Variants in RAI14 observed in about 807,000 individuals in gnomAD.
RAI14 encodes retinoic acid induced 14.
A neutral mutation model predicts 115.4 loss-of-function variants in RAI14; 45 were observed. That is an observed-to-expected ratio of 0.39 (90% CI 0.31 to 0.50). The LOEUF (loss-of-function observed/expected upper bound fraction) is 0.50. RAI14 is among the 20% of genes least tolerant of loss of function. RAI14 has a pLI of 0.85. For missense variants in RAI14, 939 were observed against 1,131.2 expected (o/e 0.83, Z 2.44); for synonymous variants, 371 against 415.4 (o/e 0.89, Z 1.30).
chr5:34,796,027 G>A lies in RAI14; in HGVS notation c.256G>A (p.Gly86Arg), dbSNP rs867459274. ...GGATGTGACAGCCCAAGATACTACC[G>A]GTATGTGGTTTTTAGTCTCTTAAGT... is the stretch of plus-strand genomic sequence containing the variant. Reference protein sequence around the residue: ...GVDVTAQDTTGHSALHLAAKN... With the variant: ...GVDVTAQDTTRHSALHLAAKN... The change falls in exon 4 of 18, where the codon GGA becomes AGA. Residue 86 changes from glycine (G) to arginine (R), a missense_variant and splice_region_variant. By Grantham distance (125) the Gly-to-Arg change is moderately radical. Coordinates refer to ENST00000265109, the MANE Select transcript of RAI14 (RefSeq NM_015577.3). 6.9e-6 allele frequency: 11 copies of A among 1,604,576 alleles called. No individual in the cohort carries two copies. Among genetic ancestry groups the A allele is most frequent in the Non-Finnish European group, 7.7e-6 (9 of 1,172,094 alleles).
At chr5:34,687,141 G>A (rs895357) in intron 2 of RAI14, among the ~76,000 whole-genome samples, 186 bp downstream of exon 2, 68,332 of 152,086 alleles carry the variant, frequency 0.45, 17,584 homozygotes, top group South Asian at 0.64. Flanking sequence ...TGTGTGCATA[G>A]CTTTCAAAAA....
intron 3 of RAI14, among the ~76,000 whole-genome samples, chr5:34,786,680 C>T (rs951289205): frequency 6.6e-6 from 1 of 152,148 alleles, no homozygotes. Flanking sequence ...CTTGGTTCCA[C>T]ATTTTCCAAC....
intron 2 of RAI14, among the ~76,000 whole-genome samples, chr5:34,746,164 T>C (rs1334707015): frequency 1.4e-5 from 2 of 139,662 alleles, no homozygotes; most frequent in African/African-American, 5.3e-5. Context: ...GGAGTGCAGC[T>C]GCGCGATCCT....
chr5:34,822,970 G>A lies in RAI14; in HGVS notation c.1128G>A (p.Lys376=). The change falls in exon 15 of 18, where the codon AAG becomes AAA. Residue 376 remains lysine (K), a synonymous_variant. Coordinates refer to ENST00000265109, the MANE Select transcript of RAI14 (RefSeq NM_015577.3). ...TTTTTTCCTAGGCCAAATCACCCAA[G>A]GAGGCGGAAGCAGACCTAAGCTTTG... ...LQDKLQAKSP[K]EAEADLSFDS... The A allele has an allele frequency of 6.2e-7, 1 of 1,610,800 alleles. No individual in the cohort carries two copies. The highest frequency in any genetic ancestry group is 1.1e-5 in the South Asian group (1 of 90,492).
intron 1 of RAI14, among the ~76,000 whole-genome samples, chr5:34,676,327 C>A (rs377297051): frequency 1.3e-5 from 2 of 152,224 alleles, no homozygotes; most frequent in South Asian, 4.2e-4. Flanking sequence ...TGTGTTTAGA[C>A]GGTGGTATTG....
At chr5:34,745,836 A>C (rs920047095) in intron 2 of RAI14, among the ~76,000 whole-genome samples, 4 of 152,100 alleles carry the variant, frequency 2.6e-5, no homozygotes, top group African/African-American at 9.7e-5. Flanking sequence ...TACCATGTGT[A>C]GGGCTTCTTG....
intron 1 of RAI14, among the ~76,000 whole-genome samples, chr5:34,666,591 C>G (rs75294890): frequency 6.6e-6 from 1 of 152,070 alleles, no homozygotes; most frequent in Non-Finnish European, 1.5e-5. Flanking sequence ...GGGACTGCCA[C>G]GTCAGCTGTA....
At chr5:34,679,152 C>A (rs756350311) in intron 1 of RAI14, among the ~76,000 whole-genome samples, 15 of 152,152 alleles carry the variant, frequency 9.9e-5, no homozygotes, top group Non-Finnish European at 1.8e-4. Context: ...CATTGCATAG[C>A]TCTCTCTAAA....
chr5:34,777,418 A>C (rs66874183), intron 3 of RAI14, among the ~76,000 whole-genome samples: 38,814 of 152,102 alleles, frequency 0.26, 5,696 homozygotes, highest in Non-Finnish European at 0.31. Context: ...ATAAGACAGG[A>C]ACAGAAAGAC....
intron 3 of RAI14, among the ~76,000 whole-genome samples, chr5:34,790,330 G>A (rs746201960): frequency 4.6e-5 from 7 of 152,226 alleles, no homozygotes; most frequent in Non-Finnish European, 7.3e-5. Flanking sequence ...ATACACAGGA[G>A]ATGGGTTGTT....
chr5:34,788,242 TA>T (rs2150183761), intron 3 of RAI14, among the ~76,000 whole-genome samples: 1 of 152,160 alleles, frequency 6.6e-6, no homozygotes, highest in African/African-American at 2.4e-5. Context: ...TTGGTTTGGA[TA>T]GATAATTCAT....
At chr5:34,688,812 C>G (rs1331745446) in intron 2 of RAI14, among the ~76,000 whole-genome samples, 2 of 152,126 alleles carry the variant, frequency 1.3e-5, no homozygotes, top group Non-Finnish European at 2.9e-5. Context: ...GTTTGTTAAT[C>G]AACCATATGA....
At chr5:34,705,256 A>G (rs1052041877) in intron 2 of RAI14, among the ~76,000 whole-genome samples, 1 of 152,204 alleles carries the variant, frequency 6.6e-6, no homozygotes, top group African/African-American at 2.4e-5. Flanking sequence ...AAAATGTAGC[A>G]TGGGAATTGA....
chr5:34,675,298 A>AT (rs1743898497), intron 1 of RAI14, among the ~76,000 whole-genome samples: 1 of 152,250 alleles, frequency 6.6e-6, no homozygotes, highest in African/African-American at 2.4e-5. Flanking sequence ...AATTAACAGA[A>AT]TTTTACTGTC....
chr5:34,766,114 C>T (rs544045159), intron 3 of RAI14, among the ~76,000 whole-genome samples: 2 of 152,308 alleles, frequency 1.3e-5, no homozygotes, highest in East Asian at 1.9e-4. Context: ...CAGAAGTTTG[C>T]TGCAGGGGTG....
At chr5:34,822,397 G>C (rs888797624) in intron 14 of RAI14, among the ~76,000 whole-genome samples, 25 of 150,928 alleles carry the variant, frequency 1.7e-4, no homozygotes, top group African/African-American at 5.8e-4. Flanking sequence ...CTCTTGGCAA[G>C]TAGAATGATA....
chr5:34,720,485 A>T (rs1742550902), intron 2 of RAI14, among the ~76,000 whole-genome samples: 1 of 133,906 alleles, frequency 7.5e-6, no homozygotes, highest in Non-Finnish European at 1.5e-5. Context: ...ATCTCGGCTC[A>T]CTGGAAGCTC....
intron 4 of RAI14, among the ~76,000 whole-genome samples, chr5:34,799,991 T>A (rs569868022): frequency 1.2e-3 from 180 of 152,288 alleles, no homozygotes; most frequent in African/African-American, 4.2e-3. Context: ...CCGGCCAGCA[T>A]TTTTTAAAGC....
intron 3 of RAI14, among the ~76,000 whole-genome samples, chr5:34,760,280 C>T (rs528567308): frequency 3.9e-5 from 6 of 152,272 alleles, no homozygotes; most frequent in African/African-American, 1.4e-4. Context: ...ATCTCCTGAC[C>T]TCGTGATCTG....
Sources: gnomAD v4.1 joint callset for allele counts (sites outside exome capture counted in the v4.1 genomes callset) on GRCh38, gnomAD v4.1.1 for gene constraint, MANE v1.5 for transcripts, NCBI Gene and HGNC (gene_info 2026-07-23, HGNC 2026-07-21) for gene names.